The following TMEM260 variants were observed in gnomAD, a reference collection of about 807,000 sequenced individuals.
TMEM260 encodes protein O-mannosyl-transferase TMEM260.
In TMEM260, 82 loss-of-function variants were observed where a neutral mutation model predicts 88.9. The observed-to-expected ratio is 0.92, with a 90% CI of 0.77 to 1.11. The LOEUF is 1.11. Ranked by LOEUF, TMEM260 falls within the 50% of genes least tolerant of loss-of-function variation. The pLI, the probability that TMEM260 is intolerant of heterozygous loss-of-function variation, is 0.00. For synonymous variants in TMEM260, 314 were observed against 309.3 expected (o/e 1.02, Z -0.16); for missense variants, 902 against 853.4 (o/e 1.06, Z -0.71).
At position 56,579,821 on chromosome 14, in the gene TMEM260, C is replaced by A. The variant is rs1006923243; in HGVS notation, c.-94C>A. ...TCGACCCGGAAGCCGCCGTGGCCGC[C>A]GCACAAGCTGCGCTCGTCTCTCGGC... On this transcript the variant is annotated 5_prime_UTR_variant, in exon 1 of 16. Coordinates refer to ENST00000261556, the MANE Select transcript of TMEM260 (RefSeq NM_017799.4). 31 of 1,166,218 alleles carry A rather than the reference C, an allele frequency of 2.7e-5. No homozygotes were observed. Among genetic ancestry groups the A allele is most frequent in the Non-Finnish European group, 3.2e-5 (30 of 929,190 alleles). The allele number at this position is 1,166,218 out of a possible 1,614,324, so 72.2% of individuals were successfully genotyped here.
chr14:56,603,707 G>A, intron 3 of TMEM260, 108 bp from the exon 4 acceptor site: 1 of 1,131,502 alleles, frequency 8.8e-7, no homozygotes, highest in Non-Finnish European at 1.3e-6. Context: ...ATGTGTTGGA[G>A]TAGTGCTGGG....
intron 12 of TMEM260, among the ~76,000 whole-genome samples, chr14:56,631,917 T>C (rs1488127948): frequency 2.6e-5 from 4 of 152,146 alleles, no homozygotes; most frequent in South Asian, 4.1e-4. Flanking sequence ...TGTCTGACCA[T>C]CACCTGATGG....
Position 56,585,929 on chromosome 14 carries a change from G to C in TMEM260, c.344+17G>C, listed in dbSNP as rs529373773. ...CGTTTTCAGGTAAAGTAGTTGATTA[G>C]TTAAAATTAATTTTGAGCAGTTGGA... On this transcript the variant is annotated intron_variant, in intron 3 of 15. Transcript: ENST00000261556. The C allele has an allele frequency of 6.8e-6, 11 of 1,608,546 alleles. No homozygotes were observed. The South Asian group carries it at 1.2e-4, about 18-fold the overall frequency.
chr14:56,589,032 A>G (rs1378327770), intron 3 of TMEM260, among the ~76,000 whole-genome samples: 2 of 152,102 alleles, frequency 1.3e-5, no homozygotes, highest in East Asian at 3.8e-4. Context: ...ACATTATTTA[A>G]TGCTTGAATT....
intron 11 of TMEM260, 51 bp downstream of exon 11, chr14:56,621,753 T>C (rs752930672): frequency 4.6e-6 from 7 of 1,509,204 alleles, no homozygotes; most frequent in African/African-American, 4.2e-5. Context: ...TAAAAACATA[T>C]GTTTTGGAAA....
At position 56,605,703 on chromosome 14, in the gene TMEM260, A is replaced by T; in HGVS notation, c.636+20A>T. 2 of 1,377,248 alleles carry T rather than the reference A, an allele frequency of 1.5e-6. No individual in the cohort carries two copies. The highest frequency in any genetic ancestry group is 2.0e-6 in the Non-Finnish European group (2 of 995,180). The allele number at this position is 1,377,248 out of a possible 1,614,324, so 85.3% of individuals were successfully genotyped here. On this transcript the variant is annotated intron_variant, in intron 5 of 15. Transcript: ENST00000261556. Reference sequence around the variant, plus strand: ...AAGAAGGTACGTTTTTGAATTTTGTAAAAAAAAGTACAATATTTTACTTAG... The same window carrying T: ...AAGAAGGTACGTTTTTGAATTTTGTTAAAAAAAGTACAATATTTTACTTAG...
intron 13 of TMEM260, 87 bp downstream of exon 13, chr14:56,633,258 A>ATT (rs60675114): frequency 0.02 from 18,514 of 929,068 alleles, 175 homozygotes; most frequent in East Asian, 0.082. Flanking sequence ...ATGCCTTCTA[A>ATT]TTTTTTTTTT....
At chr14:56,652,772 C>T (rs73279646), downstream of TMEM260, among the ~76,000 whole-genome samples, 13,573 of 152,068 alleles carry the variant, frequency 0.089, 910 homozygotes, top group East Asian at 0.26. Context: ...ATAATTTTCC[C>T]CTAAAATTAT....
chr14:56,600,140 C>T (rs1181692482), intron 3 of TMEM260, among the ~76,000 whole-genome samples: 1 of 152,084 alleles, frequency 6.6e-6, no homozygotes, highest in African/African-American at 2.4e-5. Flanking sequence ...CAAAGAAATT[C>T]ATACAGGCTT....
At chr14:56,609,075 T>C (rs759093288) in intron 5 of TMEM260, 31 bp from the exon 6 acceptor site, 6 of 1,605,138 alleles carry the variant, frequency 3.7e-6, no homozygotes, top group South Asian at 2.2e-5. Context: ...AAAATAAACA[T>C]TGTTATACCA....
At chr14:56,624,500 C>T (rs1031898543) in intron 11 of TMEM260, among the ~76,000 whole-genome samples, 2 of 152,150 alleles carry the variant, frequency 1.3e-5, no homozygotes, top group African/African-American at 2.4e-5. Context: ...ACCCAGATGG[C>T]GGAGCTTGCA....
downstream of TMEM260, among the ~76,000 whole-genome samples, chr14:56,655,378 C>T (rs1890282920): frequency 6.8e-6 from 1 of 147,022 alleles, no homozygotes; most frequent in Non-Finnish European, 1.5e-5. Flanking sequence ...CCGAGCAAGA[C>T]TCCATCTCAA....
intron 14 of TMEM260, among the ~76,000 whole-genome samples, chr14:56,635,172 G>T (rs1888946933): frequency 6.6e-6 from 1 of 152,146 alleles, no homozygotes. Flanking sequence ...TTTTATAAAA[G>T]AACAAACTGG....
At position 56,633,187 on chromosome 14, in the gene TMEM260, G is replaced by A; in HGVS notation, c.1724+16G>A. 2 of 1,595,904 alleles carry A rather than the reference G, an allele frequency of 1.3e-6. No homozygotes were observed. Among genetic ancestry groups the A allele is most frequent in the Middle Eastern group, 1.7e-4 (1 of 5,806 alleles). ...AATATGGAAGGTATGAACAGCAGTT[G>A]TATTTTGATGCATATAAACATAGCA... On this transcript the variant is annotated intron_variant, in intron 13 of 15. Coordinates refer to ENST00000261556, the MANE Select transcript of TMEM260 (RefSeq NM_017799.4).
intron 3 of TMEM260, among the ~76,000 whole-genome samples, chr14:56,597,811 T>C (rs1758813561): frequency 1.3e-5 from 2 of 152,156 alleles, no homozygotes; most frequent in Non-Finnish European, 2.9e-5. Flanking sequence ...GGATGTGTTA[T>C]TTTCAACAGA....
intron 3 of TMEM260, among the ~76,000 whole-genome samples, chr14:56,592,952 T>G (rs142072126): frequency 2.1e-4 from 32 of 152,350 alleles, no homozygotes; most frequent in African/African-American, 7.7e-4. Flanking sequence ...CGGAAAGAAT[T>G]TCAGGTTTCT....
chr14:56,643,128 A>G (rs1307420261), intron 15 of TMEM260, among the ~76,000 whole-genome samples: 1 of 152,232 alleles, frequency 6.6e-6, no homozygotes, highest in Non-Finnish European at 1.5e-5. Context: ...ATTCCAATCA[A>G]TAGAAAAAGA....
intron 3 of TMEM260, among the ~76,000 whole-genome samples, chr14:56,593,582 T>C (rs1200233880): frequency 6.6e-6 from 1 of 151,662 alleles, no homozygotes; most frequent in Non-Finnish European, 1.5e-5. Flanking sequence ...TCTATATCAG[T>C]GCTTTCCTCC....
At chr14:56,614,724 C>CGT (rs1887495890) in intron 7 of TMEM260, among the ~76,000 whole-genome samples, 1 of 152,064 alleles carries the variant, frequency 6.6e-6, no homozygotes. Context: ...CACACCCACA[C>CGT]TTCTGTGTTC....
Sources: gnomAD v4.1 joint callset for allele counts (sites outside exome capture counted in the v4.1 genomes callset) on GRCh38, gnomAD v4.1.1 for gene constraint, MANE v1.5 for transcripts, NCBI Gene and HGNC (gene_info 2026-07-23, HGNC 2026-07-21) for gene names.